NAALADL2: variants seen among roughly 807,000 people sequenced by gnomAD.
The protein encoded by NAALADL2 is inactive N-acetylated-alpha-linked acidic dipeptidase-like protein 2.
Under a neutral mutation model 87.2 loss-of-function variants are expected in NAALADL2, and 76 were observed. That is an observed-to-expected ratio of 0.87 (90% confidence interval 0.72 to 1.05). NAALADL2 has a LOEUF of 1.05. Among genes scored for constraint, NAALADL2 ranks in the 50% least tolerant of loss-of-function variants. NAALADL2 has a pLI of 0.00. For missense variants in NAALADL2, 1,089 were observed against 945.8 expected (o/e 1.15, Z -1.99); for synonymous variants, 354 against 331.0 (o/e 1.07, Z -0.75).
chr3:174,712,644 C>T (rs1026428726), intron 2 of NAALADL2, among the ~76,000 whole-genome samples: 4 of 152,032 alleles, frequency 2.6e-5, no homozygotes, highest in Non-Finnish European at 5.9e-5. Context: ...CCTCAGCCTC[C>T]TAAAGTGCTG....
intron 9 of NAALADL2, among the ~76,000 whole-genome samples, chr3:175,476,034 T>C (rs754193451): frequency 6.6e-6 from 1 of 152,202 alleles, no homozygotes; most frequent in Non-Finnish European, 1.5e-5. Flanking sequence ...AATGTTGTTG[T>C]AGTTGTAGTC....
intron 1 of NAALADL2, among the ~76,000 whole-genome samples, chr3:175,012,678 T>C (rs1428956310): frequency 6.6e-6 from 1 of 152,090 alleles, no homozygotes; most frequent in African/African-American, 2.4e-5. Context: ...GCCATGCCTA[T>C]GCATTTAGTA....
At chr3:174,664,536 C>CT (rs1725791405) in intron 2 of NAALADL2, among the ~76,000 whole-genome samples, 1 of 152,056 alleles carries the variant, frequency 6.6e-6, no homozygotes, top group South Asian at 2.1e-4. Flanking sequence ...ATATTTCATT[C>CT]TTTGACATTG....
rs543756668 is a variant in NAALADL2, at chr3:174,679,542, T to C, written c.-114-58099T>C. ...CTCACATTGTATTTCTATTGAATAT[T>C]GCTACTGTCGTGGGATCTTTGGGGT... On this transcript the variant is annotated intron_variant, in intron 2 of 3. Transcript: ENST00000434257. 2.6e-5 allele frequency among the ~76,000 whole-genome samples: 4 copies of C among 152,286 alleles called. No individual in the cohort carries two copies. The South Asian group carries it at 8.3e-4, about 32-fold the overall frequency.
At chr3:174,998,686 A>G (rs1165472684) in intron 1 of NAALADL2, among the ~76,000 whole-genome samples, 1 of 152,144 alleles carries the variant, frequency 6.6e-6, no homozygotes, top group African/African-American at 2.4e-5. Flanking sequence ...TATAGTACCT[A>G]AAAGTGAGCC....
At chr3:175,019,999 G>A (rs1177833734) in intron 1 of NAALADL2, among the ~76,000 whole-genome samples, 1 of 151,874 alleles carries the variant, frequency 6.6e-6, no homozygotes, top group Non-Finnish European at 1.5e-5. Flanking sequence ...CCCATTTTTT[G>A]ACTGAATCCC....
chr3:175,535,683 G>A (rs1426882236), intron 9 of NAALADL2, among the ~76,000 whole-genome samples: 3 of 152,104 alleles, frequency 2.0e-5, no homozygotes, highest in African/African-American at 7.2e-5. Context: ...GATAATAGCA[G>A]GAGGGAAATG....
chr3:175,107,830 A>G (rs1056875206), intron 2 of NAALADL2, among the ~76,000 whole-genome samples: 2 of 151,816 alleles, frequency 1.3e-5, no homozygotes, highest in Non-Finnish European at 2.9e-5. Context: ...TCTAACAAAT[A>G]CTTCAAATAT....
chr3:174,667,838 A>C (rs890715654), intron 2 of NAALADL2, among the ~76,000 whole-genome samples: 1 of 152,068 alleles, frequency 6.6e-6, no homozygotes, highest in Admixed American at 6.6e-5. Flanking sequence ...AAGAAGAGAA[A>C]ATAACAATGT....
At position 174,480,970 on chromosome 3, in the gene NAALADL2, A is replaced by G. The variant is rs1409842423; in HGVS notation, c.-184+39938A>G. Among the ~76,000 whole-genome samples the G allele has an allele frequency of 1.3e-5, 2 of 152,136 alleles. 1 individual carries two copies. The highest frequency in any genetic ancestry group is 3.9e-4 in the East Asian group (2 of 5,182). On this transcript the variant is annotated intron_variant, in intron 1 of 3. Coordinates refer to the NAALADL2 transcript ENST00000434257. ...GCAGATAGGAGAGTCAATATTGATC[A>G]TCAGCTATAAGGACACTAGAAGATG...
intron 1 of NAALADL2, among the ~76,000 whole-genome samples, chr3:174,898,716 A>G (rs2109845755): frequency 6.6e-6 from 1 of 152,292 alleles, no homozygotes; most frequent in Non-Finnish European, 1.5e-5. Context: ...TAAAGTATTC[A>G]TAGAGCCATA....
At chr3:174,676,623 C>A (rs1398487923) in intron 2 of NAALADL2, among the ~76,000 whole-genome samples, 1 of 151,824 alleles carries the variant, frequency 6.6e-6, no homozygotes, top group Non-Finnish European at 1.5e-5. Context: ...TAAGTAATAA[C>A]ATTTTAGAAT....
chr3:174,806,867 A>G (rs994178725), intron 3 of NAALADL2, among the ~76,000 whole-genome samples: 1 of 152,146 alleles, frequency 6.6e-6, no homozygotes, highest in South Asian at 2.1e-4. Context: ...GCATTTTCTC[A>G]GATACAATAT....
chr3:175,274,524 T>C (rs1753303728), intron 4 of NAALADL2, among the ~76,000 whole-genome samples: 1 of 152,216 alleles, frequency 6.6e-6, no homozygotes, highest in African/African-American at 2.4e-5. Flanking sequence ...TTATTTTGTT[T>C]TAACATGCCC....
At chr3:175,703,137 C>T (rs1299092104) in intron 11 of NAALADL2, among the ~76,000 whole-genome samples, 1 of 152,158 alleles carries the variant, frequency 6.6e-6, no homozygotes, top group African/African-American at 2.4e-5. Context: ...AATTAAAACT[C>T]ACTGGCACTC....
intron 11 of NAALADL2, among the ~76,000 whole-genome samples, chr3:175,697,813 GTATGTATACATATATATGTGTATT>G (rs765648699): frequency 0.11 from 14,192 of 130,804 alleles, 1,252 homozygotes; most frequent in Non-Finnish European, 0.13. Flanking sequence ...ATATATTTAT[GTATGTATACATATATATGTGTATT>G]TATGTATACA....
chr3:175,591,749 A>G (rs576535467), intron 10 of NAALADL2, among the ~76,000 whole-genome samples: 2 of 148,408 alleles, frequency 1.3e-5, no homozygotes, highest in Non-Finnish European at 1.5e-5. Context: ...AGAAATATAT[A>G]TTTATATATG....
At chr3:175,735,620 A>G (rs998094730) in intron 11 of NAALADL2, among the ~76,000 whole-genome samples, 6 of 152,164 alleles carry the variant, frequency 3.9e-5, no homozygotes, top group Non-Finnish European at 8.8e-5. Context: ...GAAAAAAGAG[A>G]GCAGGGAAAC....
At chr3:175,066,603 G>A (rs1399608927) in intron 1 of NAALADL2, among the ~76,000 whole-genome samples, 1 of 152,124 alleles carries the variant, frequency 6.6e-6, no homozygotes, top group Non-Finnish European at 1.5e-5. Flanking sequence ...TTATGGTGAG[G>A]TGGGATTGTT....
Sources: allele counts gnomAD v4.1 joint callset (sites outside exome capture counted in the v4.1 genomes callset), GRCh38; gene constraint gnomAD v4.1.1; transcripts MANE v1.5; gene names NCBI Gene and HGNC (gene_info 2026-07-23, HGNC 2026-07-21).